ROR1: variants seen among roughly 807,000 people sequenced by gnomAD.
The protein encoded by ROR1 is ROR family WNT receptor 1, also known as inactive tyrosine-protein kinase transmembrane receptor ROR1.
In ROR1, 19 loss-of-function variants were observed where a neutral mutation model predicts 78.8. The observed-to-expected ratio is 0.24, with a 90% CI of 0.17 to 0.35. The LOEUF (loss-of-function observed/expected upper bound fraction) is 0.35, where lower values mean the gene tolerates loss of function less well. Ranked by LOEUF, ROR1 falls within the 10% of genes least tolerant of loss-of-function variation. ROR1 has a pLI of 1.00. For missense variants in ROR1, 917 were observed against 1,177.8 expected (o/e 0.78, Z 3.24); for synonymous variants, 386 against 433.6 (o/e 0.89, Z 1.36).
At chr1:63,930,019 G>T (rs1645738485) in intron 1 of ROR1, among the ~76,000 whole-genome samples, 1 of 151,984 alleles carries the variant, frequency 6.6e-6, no homozygotes, top group African/African-American at 2.4e-5. Flanking sequence ...AGAACGTGCA[G>T]GTTTGTTACA....
intron 8 of ROR1, among the ~76,000 whole-genome samples, chr1:64,167,509 G>T (rs1219503898): frequency 6.6e-6 from 1 of 152,198 alleles, no homozygotes; most frequent in Non-Finnish European, 1.5e-5. Flanking sequence ...CTTTGAAAAT[G>T]TCCATAACCT....
At chr1:64,020,895 T>C (rs1486360033) in intron 2 of ROR1, among the ~76,000 whole-genome samples, 2 of 152,176 alleles carry the variant, frequency 1.3e-5, no homozygotes, top group African/African-American at 4.8e-5. Flanking sequence ...CCAAGCAAGA[T>C]TTCCTGTAGG....
chr1:63,903,036 C>G (rs1388296423), intron 1 of ROR1, among the ~76,000 whole-genome samples: 1 of 152,158 alleles, frequency 6.6e-6, no homozygotes, highest in Non-Finnish European at 1.5e-5. Flanking sequence ...ACTTCCCAGT[C>G]CATCTCATGT....
At chr1:64,132,820 C>CA (rs1447991133) in intron 4 of ROR1, among the ~76,000 whole-genome samples, 2 of 148,916 alleles carry the variant, frequency 1.3e-5, no homozygotes, top group Non-Finnish European at 1.5e-5. Context: ...AAATTATCCC[C>CA]AAAAAGAATA....
chr1:63,963,430 A>T (rs1017160628), intron 1 of ROR1, among the ~76,000 whole-genome samples: 1 of 151,952 alleles, frequency 6.6e-6, no homozygotes, highest in African/African-American at 2.4e-5. Context: ...TTAGCCAGGC[A>T]TGGTGGTGCA....
intron 1 of ROR1, among the ~76,000 whole-genome samples, chr1:64,001,017 A>G (rs1167708289): frequency 6.6e-6 from 1 of 152,222 alleles, no homozygotes; most frequent in Non-Finnish European, 1.5e-5. Context: ...ACAGGAATGA[A>G]TAATTTAGCA....
chr1:63,843,222 G>T, intron 1 of ROR1: 1 of 1,498,810 alleles, frequency 6.7e-7, no homozygotes, highest in Non-Finnish European at 9.3e-7. Flanking sequence ...GGAGATGACC[G>T]CACTGCCCCC....
At chr1:64,127,631 A>G (rs987536635) in intron 4 of ROR1, among the ~76,000 whole-genome samples, 1 of 152,076 alleles carries the variant, frequency 6.6e-6, no homozygotes, top group Non-Finnish European at 1.5e-5. Flanking sequence ...TATTTTCATA[A>G]ACATGTATGA....
chr1:63,846,639 C>A (rs184774104), intron 1 of ROR1, among the ~76,000 whole-genome samples: 5 of 152,124 alleles, frequency 3.3e-5, no homozygotes, highest in African/African-American at 1.2e-4. Context: ...GCTTCATCAA[C>A]GGAATCACAG....
intron 8 of ROR1, among the ~76,000 whole-genome samples, chr1:64,160,120 T>C (rs1372091952): frequency 1.3e-5 from 2 of 152,172 alleles, no homozygotes; most frequent in African/African-American, 4.8e-5. Flanking sequence ...ATATTTATCT[T>C]CCCTGTGGAC....
At chr1:63,888,212 C>G (rs955727581) in intron 1 of ROR1, among the ~76,000 whole-genome samples, 4 of 152,080 alleles carry the variant, frequency 2.6e-5, no homozygotes, top group Admixed American at 6.6e-5. Context: ...AGAAAAAAAT[C>G]TAGTTTTCAG....
intron 1 of ROR1, among the ~76,000 whole-genome samples, chr1:63,814,949 C>G (rs1644881339): frequency 6.6e-6 from 1 of 152,180 alleles, no homozygotes; most frequent in Non-Finnish European, 1.5e-5. Flanking sequence ...CCCCTCAATT[C>G]CCTCCTATTC....
chr1:63,815,775 G>A (rs1470144040), intron 1 of ROR1, among the ~76,000 whole-genome samples: 4 of 152,016 alleles, frequency 2.6e-5, no homozygotes, highest in South Asian at 2.1e-4. Flanking sequence ...GGGTGAGTAT[G>A]GAATCATGTG....
chr1:64,016,977 A>T (rs894810159), intron 2 of ROR1, among the ~76,000 whole-genome samples: 1 of 151,618 alleles, frequency 6.6e-6, no homozygotes, highest in African/African-American at 2.4e-5. Flanking sequence ...GAGTCCAGTG[A>T]TGTGATCATG....
chr1:63,888,774 A>G (rs912217946), intron 1 of ROR1, among the ~76,000 whole-genome samples: 2 of 152,212 alleles, frequency 1.3e-5, no homozygotes, highest in African/African-American at 4.8e-5. Flanking sequence ...TTAAATTTTT[A>G]TAGCTATCAT....
chr1:63,990,696 T>G (rs1646288759), intron 1 of ROR1, among the ~76,000 whole-genome samples: 1 of 152,188 alleles, frequency 6.6e-6, no homozygotes, highest in Non-Finnish European at 1.5e-5. Context: ...ACTGTGTGTT[T>G]GAAAACCTAG....
At chr1:64,101,848 C>G (rs1647560361) in intron 4 of ROR1, among the ~76,000 whole-genome samples, 1 of 152,102 alleles carries the variant, frequency 6.6e-6, no homozygotes. Context: ...GGACAGCTAA[C>G]CTAAAAGCTT....
chr1:63,911,010 T>C (rs571273939), intron 1 of ROR1, among the ~76,000 whole-genome samples: 1 of 152,210 alleles, frequency 6.6e-6, no homozygotes, highest in Non-Finnish European at 1.5e-5. Context: ...TCTCTCCAAC[T>C]TGAGAACTGC....
chr1:63,861,296 A>G (rs148142358), intron 1 of ROR1, among the ~76,000 whole-genome samples: 5 of 152,340 alleles, frequency 3.3e-5, no homozygotes, highest in Non-Finnish European at 5.9e-5. Context: ...TTTTATTTTT[A>G]TGGTTCTCTT....
Sources: gnomAD v4.1 joint callset for allele counts (sites outside exome capture counted in the v4.1 genomes callset) on GRCh38, gnomAD v4.1.1 for gene constraint, MANE v1.5 for transcripts, NCBI Gene and HGNC (gene_info 2026-07-23, HGNC 2026-07-21) for gene names.